The following BBS10 variants were observed in gnomAD, a reference collection of about 807,000 sequenced individuals.
The protein encoded by BBS10 is BBSome complex assembly protein BBS10.
BBS10 carries 13 observed loss-of-function variants against 12.7 expected under a neutral mutation model. That is an observed-to-expected ratio of 1.03 (90% CI 0.67 to 1.63). The LOEUF is 1.63. Ranked by LOEUF, BBS10 falls within the 40% of genes most tolerant of loss-of-function variation. The pLI is 0.00. For missense variants in BBS10, 858 were observed against 858.0 expected, an observed-to-expected ratio of 1.00 and a Z score of 0.00; for synonymous variants, 294 against 304.8, an observed-to-expected ratio of 0.96 and a Z score of 0.37.
At chr12:76,347,904 T>G in intron 1 of BBS10, 117 bp from the exon 2 acceptor site, 1 of 1,218,464 alleles carries the variant, frequency 8.2e-7, no homozygotes, top group Non-Finnish European at 1.1e-6. Flanking sequence ...GATACATCCT[T>G]AGTTTTTTCC....
In BBS10 at chr12:76,346,147, T is replaced by C. The variant is rs575957641; in HGVS notation, c.1838A>G (p.Tyr613Cys). 4.7e-5 allele frequency: 76 copies of C among 1,610,182 alleles called. No individual in the cohort carries two copies. The highest frequency in any genetic ancestry group is 6.4e-5 in the Non-Finnish European group (75 of 1,178,952). ...GGNFEILLHY[Y>C]LLNYAKKCHQ... The stretch of plus-strand genomic sequence containing the variant: ...GCATTTTTTGGCATAATTGAGAAGA[T>C]AGTAATGTAACAAGATCTCAAAATT... Residue 613 changes from tyrosine (Y) to cysteine (C), a missense_variant, in exon 2 of 2, where the codon TAT (tyrosine) becomes TGT (cysteine). Coordinates refer to ENST00000650064, the MANE Select transcript of BBS10 (RefSeq NM_024685.4).
Position 76,347,671 on chromosome 12 carries a change from T to C in BBS10, c.314A>G (p.Lys105Arg). Residue 105 changes from lysine to arginine, a missense_variant, in exon 2 of 2, where the codon AAG becomes AGG. Coordinates refer to ENST00000650064, the MANE Select transcript of BBS10 (RefSeq NM_024685.4). ...AATGTTTTCACACATCAAAGGATCC[T>C]TTTCTCTGTCTGTGATTGCATGAAG... ...RGLHAITDREKDPLMCENIQT... is the reference protein window; with the variant it reads ...RGLHAITDRERDPLMCENIQT... The C allele has an allele frequency of 6.2e-7, 1 of 1,613,562 alleles. No homozygotes were observed. Among genetic ancestry groups the C allele is most frequent in the Non-Finnish European group, 8.5e-7 (1 of 1,180,008 alleles).
Position 76,347,502 on chromosome 12 carries a change from T to C in BBS10, c.483A>G (p.Lys161=), listed in dbSNP as rs748732850. The C allele has an allele frequency of 1.2e-5, 19 of 1,613,766 alleles. No individual in the cohort carries two copies. The East Asian group carries it at 1.3e-4, about 11-fold the overall frequency. ...AAGAGCTCCTACACAATGTTCTCTC[T>C]TTAGCAGACGAAAAGATAGACAAAA... ...RHFLSIFSSA[K]ERTLCRSSLE... The change falls in exon 2 of 2, where the codon AAA becomes AAG. Residue 161 remains lysine (K), a synonymous_variant. Coordinates refer to ENST00000650064, the MANE Select transcript of BBS10 (RefSeq NM_024685.4).
chr12:76,347,566 A>G lies in BBS10; in HGVS notation c.419T>C (p.Ile140Thr), dbSNP rs1951770953. 1.9e-6 allele frequency: 3 copies of G among 1,613,658 alleles called. No homozygotes were observed. In the Admixed American group the frequency reaches 5.0e-5, roughly 27 times the overall value. ...GTACTGGTCCATAATACCGTCTAAT[A>G]TTTGTGTCTGAAACGTTAGGAGAGC... ...SQALLTFQTQ[I>T]LDGIMDQYLS... Residue 140 changes from isoleucine (I) to threonine (T), a missense_variant, in exon 2 of 2, where the codon ATA becomes ACA. Physicochemically the swap from Ile to Thr is moderately conservative, Grantham distance 89. Coordinates refer to ENST00000650064, the MANE Select transcript of BBS10 (RefSeq NM_024685.4).
In BBS10 at chr12:76,344,594, CATTT is replaced by C. The variant is rs1951746187; in HGVS notation, c.*1215_*1218del. 6.6e-6 allele frequency: 1 copy of C among 152,078 alleles called. No homozygotes were observed. The highest frequency in any genetic ancestry group is 2.1e-4 in the South Asian group (1 of 4,826). The allele number at this position is 152,078 out of a possible 1,614,324, so 9.4% of individuals were successfully genotyped here. A position where few individuals can be genotyped will look rare whatever the true frequency, so the allele number is the denominator to read the frequency against. On this transcript the variant is annotated 3_prime_UTR_variant, in exon 2 of 2. Transcript: ENST00000650064. ...ATAAATGTTTAAAAAATCAGAATTA[CATTT>C]AATATAAAAAATTTTGATATTATAG...
rs587777837 is a variant in BBS10 at position 76,346,939 on chromosome 12, GAA to G, written c.1044_1045del (p.Pro350IlefsTer11). On this transcript the variant is annotated frameshift_variant, in exon 2 of 2. Transcript: ENST00000650064. LOFTEE classifies it low-confidence loss of function (END_TRUNC). The stretch of plus-strand genomic sequence containing the variant: ...AAAGGCCTGTGGTGGTACAAATGGA[GAA>G]AGACCAATGATCCTCCGGATAAGAG... 1.2e-6 allele frequency: 2 copies of G among 1,611,316 alleles called. No homozygotes were observed. The highest frequency in any genetic ancestry group is 1.7e-6 in the Non-Finnish European group (2 of 1,180,008).
At chr12:76,348,066 GTCTT>G in intron 1 of BBS10, 92 bp downstream of exon 1, 2 of 1,396,830 alleles carry the variant, frequency 1.4e-6, no homozygotes, top group Non-Finnish European at 2.0e-6. Context: ...CCCGAGGTCA[GTCTT>G]TCTAAGTACG....
Position 76,347,787 on chromosome 12 carries a change from C to A in BBS10, c.198G>T (p.Arg66Ser), listed in dbSNP as rs1565810301. Residue 66 changes from arginine (R) to serine (S), a missense_variant and splice_region_variant, in exon 2 of 2, where the codon AGG becomes AGT. Arg to Ser is a moderately radical substitution (Grantham distance 110). Transcript: ENST00000650064. ...EALHLEHPIA[R>S]MIVDCVSSHL... Reference sequence around the variant, plus strand: ...GACTGGAAACACAGTCCACTATCATCCTGTACAAAAAAGAAATAAAGCAAC... The same window carrying A: ...GACTGGAAACACAGTCCACTATCATACTGTACAAAAAAGAAATAAAGCAAC... The A allele has an allele frequency of 6.2e-7, 1 of 1,600,414 alleles. No individual in the cohort carries two copies. Among genetic ancestry groups the A allele is most frequent in the Non-Finnish European group, 8.5e-7 (1 of 1,179,698 alleles).
Position 76,345,419 on chromosome 12 carries a change from A to T in BBS10, c.*394T>A, listed in dbSNP as rs1160467671. 1 of 180,592 alleles carries T rather than the reference A, an allele frequency of 5.5e-6. No homozygotes were observed. Among genetic ancestry groups the T allele is most frequent in the African/African-American group, 2.4e-5 (1 of 42,272 alleles). 11.2% of individuals were successfully genotyped at this position (180,592 alleles called of 1,614,324 possible). ...TTCAATATTAAAAACAATTAGAATA[A>T]GCCCACCCAAATCAGAGATTAAATG... On this transcript the variant is annotated 3_prime_UTR_variant, in exon 2 of 2. Transcript: ENST00000650064.
In BBS10 at chr12:76,347,698, C is replaced by T; in HGVS notation, c.287G>A (p.Gly96Glu). The T allele has an allele frequency of 6.2e-7, 1 of 1,612,200 alleles. No individual in the cohort carries two copies. The highest frequency in any genetic ancestry group is 8.5e-7 in the Non-Finnish European group (1 of 1,179,840). Residue 96 changes from glycine (G) to glutamate (E), a missense_variant, in exon 2 of 2, where the codon GGA becomes GAA. Gly to Glu is a moderately conservative substitution (Grantham distance 98). Coordinates refer to ENST00000650064, the MANE Select transcript of BBS10 (RefSeq NM_024685.4). Reference sequence around the variant, plus strand: ...TTCTCTGTCTGTGATTGCATGAAGTCCTCTAAGCAAATGGCAAAGAAAGAT... The same window carrying T: ...TTCTCTGTCTGTGATTGCATGAAGTTCTCTAAGCAAATGGCAAAGAAAGAT... ...FIIFLCHLLR[G>E]LHAITDREKD...
Position 76,345,663 on chromosome 12 carries a change from T to C in BBS10, c.*150A>G. The C allele has an allele frequency of 1.4e-6, 1 of 700,142 alleles. No homozygotes were observed. Among genetic ancestry groups the C allele is most frequent in the Middle Eastern group, 3.9e-4 (1 of 2,548 alleles). 43.4% of individuals were successfully genotyped at this position (700,142 alleles called of 1,614,324 possible). A position where few individuals can be genotyped will look rare whatever the true frequency, so the allele number is the denominator to read the frequency against. ...AAAGTAATTTAATATTTGTATCTGG[T>C]CTGGTGACCTTAGTGTGCTTCTTCT... On this transcript the variant is annotated 3_prime_UTR_variant, in exon 2 of 2. Coordinates refer to ENST00000650064, the MANE Select transcript of BBS10 (RefSeq NM_024685.4).
rs764088306 is a variant in BBS10, at chr12:76,346,026, G to A, written c.1959C>T (p.Ser653=). The change falls in exon 2 of 2, where the codon AGC becomes AGT. Residue 653 remains serine, a synonymous_variant. Coordinates refer to ENST00000650064, the MANE Select transcript of BBS10 (RefSeq NM_024685.4). ...VLYKSKTGKY[S]FPHTYIRAVH... is the part of the protein sequence containing the mutation. ...CAGCTCTTATATATGTATGTGGAAA[G>A]CTGTACTTTCCTGTTTTAGATTTAT... is the stretch of plus-strand genomic sequence containing the variant. 7 of 1,613,856 alleles carry A rather than the reference G, an allele frequency of 4.3e-6. No homozygotes were observed. In the South Asian group the frequency reaches 7.7e-5, roughly 18 times the overall value.
Position 76,346,943 on chromosome 12 carries a change from G to A in BBS10, c.1042C>T (p.Leu348Phe). The A allele has an allele frequency of 6.2e-7, 1 of 1,611,272 alleles. No homozygotes were observed. Among genetic ancestry groups the A allele is most frequent in the Non-Finnish European group, 8.5e-7 (1 of 1,180,002 alleles). Residue 348 changes from leucine (L) to phenylalanine (F), a missense_variant, in exon 2 of 2, where the codon CTT (leucine) becomes TTT (phenylalanine). Transcript: ENST00000650064. ...GCCTGTGGTGGTACAAATGGAGAAA[G>A]ACCAATGATCCTCCGGATAAGAGAA... ...EVSLIRRIIG[L>F]SPFVPPQAFS...
At position 76,347,277 on chromosome 12, in the gene BBS10, T is replaced by C. The variant is rs1193290653; in HGVS notation, c.708A>G (p.Ile236Met). The change falls in exon 2 of 2, where the codon ATA becomes ATG. Residue 236 changes from isoleucine (I) to methionine (M), a missense_variant. By Grantham distance (10) the Ile-to-Met change is conservative (BLOSUM62 1). Transcript: ENST00000650064. ...TGLPVSDSRI[I>M]AGLVLQKDFS... Reference sequence around the variant, plus strand: ...AATCTTTCTGAAGCACAAGACCAGCTATGATCCTGGAATCTGAAACAGGAA... The same window carrying C: ...AATCTTTCTGAAGCACAAGACCAGCCATGATCCTGGAATCTGAAACAGGAA... 47 of 1,613,746 alleles carry C rather than the reference T, an allele frequency of 2.9e-5. No individual in the cohort carries two copies. Among genetic ancestry groups the C allele is most frequent in the Non-Finnish European group, 3.9e-5 (46 of 1,180,038 alleles).
At position 76,346,904 on chromosome 12, in the gene BBS10, C is replaced by A. The variant is rs1565809819; in HGVS notation, c.1081G>T (p.Glu361Ter). 3 of 1,612,896 alleles carry A rather than the reference C, an allele frequency of 1.9e-6. No homozygotes were observed. The highest frequency in any genetic ancestry group is 2.5e-6 in the Non-Finnish European group (3 of 1,179,992). Residue 361 changes from glutamate (E) to a stop codon, truncating the protein, a stop_gained, in exon 2 of 2, where the codon GAA becomes TAA. Coordinates refer to ENST00000650064, the MANE Select transcript of BBS10 (RefSeq NM_024685.4). LOFTEE classifies it low-confidence loss of function (END_TRUNC). ...FVPPQAFSQCEIPNTALVKFC... is the reference protein window; with the variant it reads ...FVPPQAFSQC Reference sequence around the variant, plus strand: ...TTCACCAAAGCAGTGTTAGGTATTTCACACTGCGAAAAGGCCTGTGGTGGT... The same window carrying A: ...TTCACCAAAGCAGTGTTAGGTATTTAACACTGCGAAAAGGCCTGTGGTGGT...
In BBS10 at chr12:76,347,462, C is replaced by T. The variant is rs758578674; in HGVS notation, c.523G>A (p.Glu175Lys). Residue 175 changes from glutamate to lysine, a missense_variant, in exon 2 of 2, where the codon GAA becomes AAA. Physicochemically the swap from Glu to Lys is moderately conservative, Grantham distance 56. Transcript: ENST00000650064. ...LCRSSLELLL[E>K]AYFCGRVGRN... ...CCCACTCTTCCACAAAAGTATGCTT[C>T]TAAGAGCAACTCTAAAGAGCTCCTA... The T allele has an allele frequency of 6.2e-7, 1 of 1,613,692 alleles. No homozygotes were observed. Among genetic ancestry groups the T allele is most frequent in the Non-Finnish European group, 8.5e-7 (1 of 1,179,948 alleles).
rs773574616 is a variant in BBS10 at position 76,346,682 on chromosome 12, G to T, written c.1303C>A (p.Gln435Lys). The T allele has an allele frequency of 1.2e-6, 2 of 1,614,068 alleles. No individual in the cohort carries two copies. Among genetic ancestry groups the T allele is most frequent in the South Asian group, 1.1e-5 (1 of 91,080 alleles). Residue 435 changes from glutamine to lysine, a missense_variant, in exon 2 of 2, where the codon CAA becomes AAA. Gln to Lys is a moderately conservative substitution (Grantham distance 53). Coordinates refer to ENST00000650064, the MANE Select transcript of BBS10 (RefSeq NM_024685.4). The stretch of plus-strand genomic sequence containing the variant: ...GAAGTGCCATTTTGGTCATTGGTTT[G>T]TGTCATGTAATTTAGATCAAGGTCT... ...FKDLDLNYMT[Q>K]TNDQNGTSSL...
rs1951758129 is a variant in BBS10, at chr12:76,346,384, G to A, written c.1601C>T (p.Thr534Ile). 1.9e-6 allele frequency: 3 copies of A among 1,613,900 alleles called. No homozygotes were observed. The highest frequency in any genetic ancestry group is 2.5e-6 in the Non-Finnish European group (3 of 1,179,912). The change falls in exon 2 of 2, where the codon ACT becomes ATT. Residue 534 changes from threonine to isoleucine, a missense_variant. Thr to Ile is a moderately conservative substitution (Grantham distance 89). Coordinates refer to ENST00000650064, the MANE Select transcript of BBS10 (RefSeq NM_024685.4). ...CTTGAGTAATGGTTCATAATAATCA[G>A]TTAGCCTGTTTCTTTCCAAAGACAA... The part of the protein sequence containing the change: ...TCLSLERNRL[T>I]DYYEPLLKNN...
At position 76,345,288 on chromosome 12, in the gene BBS10, CT is replaced by C. The variant is rs1951749895; in HGVS notation, c.*524del. The C allele has an allele frequency of 6.6e-6, 1 of 152,252 alleles. No homozygotes were observed. The allele number at this position is 152,252 out of a possible 1,614,324, so 9.4% of individuals were successfully genotyped here. A position where few individuals can be genotyped will look rare whatever the true frequency, so the allele number is the denominator to read the frequency against. On this transcript the variant is annotated 3_prime_UTR_variant, in exon 2 of 2. Transcript: ENST00000650064. ...ATGCTTTTTGAAAAAAAATTTGAGC[CT>C]TTTACTCACTGCTAATTTAATTTTA...
Sources: gnomAD v4.1 joint callset for allele counts on GRCh38, gnomAD v4.1.1 for gene constraint, MANE v1.5 for transcripts, NCBI Gene and HGNC (gene_info 2026-07-23, HGNC 2026-07-21) for gene names.